The following AVEN variants were observed in gnomAD, a reference collection of about 807,000 sequenced individuals.
The protein encoded by AVEN is cell death regulator Aven.
A neutral mutation model predicts 38.1 loss-of-function variants in AVEN; 41 were observed. That is an observed-to-expected ratio of 1.08 (90% CI 0.84 to 1.40). The LOEUF is 1.40. Ranked by LOEUF, AVEN falls within the 40% of genes most tolerant of loss-of-function variation. The pLI is 0.00. For missense variants in AVEN, 605 were observed against 438.8 expected (o/e 1.38, Z -3.38); for synonymous variants, 206 against 171.8 (o/e 1.20, Z -1.56).
chr15:34,007,006 T>C (rs370191123), intron 1 of AVEN: 2 of 938,108 alleles, frequency 2.1e-6, no homozygotes, highest in Non-Finnish European at 2.5e-6. Flanking sequence ...TAAATATTGT[T>C]ACAAAATTAG....
intron 2 of AVEN, among the ~76,000 whole-genome samples, chr15:33,987,641 G>A (rs1418181196): frequency 6.6e-6 from 1 of 152,158 alleles, no homozygotes. Flanking sequence ...CAAGGCTGCT[G>A]CCAGCTGCTT....
At chr15:34,057,896 A>G (rs1900213493) in intron 5 of AVEN, among the ~76,000 whole-genome samples, 1 of 152,194 alleles carries the variant, frequency 6.6e-6, no homozygotes, top group East Asian at 1.9e-4. Context: ...TGATGTTACC[A>G]CTGTAAATTA....
chr15:33,917,543 C>A (rs1173694357), intron 2 of AVEN, among the ~76,000 whole-genome samples: 3 of 127,720 alleles, frequency 2.3e-5, no homozygotes, highest in Non-Finnish European at 3.4e-5. Context: ...ATATATATAT[C>A]AATCACACAT....
At chr15:33,937,389 C>T (rs1385172265) in intron 2 of AVEN, among the ~76,000 whole-genome samples, 2 of 151,492 alleles carry the variant, frequency 1.3e-5, no homozygotes, top group Admixed American at 6.6e-5. Context: ...AAAAATTAGC[C>T]GGGCGTGGTG....
intron 1 of AVEN, among the ~76,000 whole-genome samples, chr15:34,073,832 A>C (rs1900680207): frequency 6.6e-6 from 1 of 151,474 alleles, no homozygotes; most frequent in South Asian, 2.1e-4. Context: ...GGGAGCTCTT[A>C]TCCATAACTA....
At chr15:33,902,320 A>G (rs2153043439) in intron 2 of AVEN, among the ~76,000 whole-genome samples, 1 of 147,018 alleles carries the variant, frequency 6.8e-6, no homozygotes, top group South Asian at 2.3e-4. Flanking sequence ...TAACAGAATG[A>G]AAGATTTAAA....
intron 11 of AVEN, chr15:33,861,058 C>G (rs988958973): frequency 3.2e-6 from 5 of 1,538,946 alleles, no homozygotes; most frequent in South Asian, 1.2e-5. Flanking sequence ...AATGCCTTTT[C>G]TGCCTGTTAT....
chr15:33,902,732 C>T (rs749723841), intron 2 of AVEN, among the ~76,000 whole-genome samples: 2 of 152,148 alleles, frequency 1.3e-5, no homozygotes, highest in Non-Finnish European at 2.9e-5. Flanking sequence ...AAAATCAACA[C>T]ACAAAAATCA....
At chr15:33,875,724 G>A (rs1277824984) in intron 3 of AVEN, among the ~76,000 whole-genome samples, 1 of 152,170 alleles carries the variant, frequency 6.6e-6, no homozygotes, top group African/African-American at 2.4e-5. Context: ...CACACAGATG[G>A]CCAGGTAGAA....
At chr15:34,038,457 G>A (rs1899260798) in intron 1 of AVEN, among the ~76,000 whole-genome samples, 1 of 152,166 alleles carries the variant, frequency 6.6e-6, no homozygotes, top group African/African-American at 2.4e-5. Context: ...CCGGCCCACG[G>A]GCCGCCGAGA....
intron 2 of AVEN, among the ~76,000 whole-genome samples, chr15:33,896,954 A>G (rs981993427): frequency 5.3e-5 from 8 of 152,198 alleles, no homozygotes; most frequent in Non-Finnish European, 1.0e-4. Flanking sequence ...CTAGCGTGCA[A>G]TGACACTCAA....
chr15:34,001,084 G>A (rs922739239), intron 2 of AVEN, among the ~76,000 whole-genome samples: 8 of 147,244 alleles, frequency 5.4e-5, no homozygotes, highest in Non-Finnish European at 1.0e-4. Context: ...GCAGTGGTAC[G>A]ATCTCAGCTC....
intron 1 of AVEN, among the ~76,000 whole-genome samples, chr15:34,033,734 T>A (rs1007875160): frequency 6.6e-6 from 1 of 152,130 alleles, no homozygotes; most frequent in African/African-American, 2.4e-5. Context: ...AAAATACAAG[T>A]AAAAAAGAAT....
chr15:33,978,646 G>C (rs1419548311), intron 2 of AVEN, among the ~76,000 whole-genome samples: 1 of 151,998 alleles, frequency 6.6e-6, no homozygotes, highest in Non-Finnish European at 1.5e-5. Flanking sequence ...CTGGGTGACA[G>C]AGTGAGACTC....
chr15:33,905,730 G>A (rs1203516127), intron 2 of AVEN, among the ~76,000 whole-genome samples: 2 of 151,926 alleles, frequency 1.3e-5, no homozygotes, highest in Non-Finnish European at 2.9e-5. Context: ...TGAAGTGGGA[G>A]GTTTGCTTGA....
intron 5 of AVEN, among the ~76,000 whole-genome samples, chr15:34,045,975 T>G (rs1899667258): frequency 6.6e-6 from 1 of 152,170 alleles, no homozygotes; most frequent in African/African-American, 2.4e-5. Context: ...CTGCTCTCTC[T>G]TAATGCTGGT....
intron 2 of AVEN, among the ~76,000 whole-genome samples, chr15:33,910,897 T>C (rs1306017086): frequency 1.3e-5 from 2 of 152,270 alleles, no homozygotes; most frequent in East Asian, 1.9e-4. Context: ...TTTTCCCATA[T>C]ACAAAATGGA....
At chr15:34,062,386 T>A (rs1310778483) in intron 5 of AVEN, among the ~76,000 whole-genome samples, 2 of 151,786 alleles carry the variant, frequency 1.3e-5, no homozygotes, top group Non-Finnish European at 2.9e-5. Context: ...AAACCCCGTC[T>A]CTACTAAAAA....
intron 2 of AVEN, among the ~76,000 whole-genome samples, chr15:33,877,515 A>G (rs1338710193): frequency 6.6e-6 from 1 of 152,228 alleles, no homozygotes; most frequent in Non-Finnish European, 1.5e-5. Context: ...AACAAAATCC[A>G]GTGAGAAAAC....
Sources: gnomAD v4.1 joint callset for allele counts (sites outside exome capture counted in the v4.1 genomes callset) on GRCh38, gnomAD v4.1.1 for gene constraint, MANE v1.5 for transcripts, NCBI Gene and HGNC (gene_info 2026-07-23, HGNC 2026-07-21) for gene names.